MCM3AP: variants seen among roughly 807,000 people sequenced by gnomAD.
The protein encoded by MCM3AP is minichromosome maintenance complex component 3 associated protein, also known as germinal-center associated nuclear protein.
MCM3AP carries 126 observed loss-of-function variants against 184.1 expected under a neutral mutation model. The observed-to-expected ratio is 0.68, with a 90% CI of 0.59 to 0.79. MCM3AP has a LOEUF of 0.79. MCM3AP is among the 30% of genes least tolerant of loss of function. MCM3AP has a pLI of 0.00. For missense variants in MCM3AP, 2,496 were observed against 2,479.2 expected (o/e 1.01, Z -0.14); for synonymous variants, 1,002 against 979.3 (o/e 1.02, Z -0.43).
In MCM3AP at chr21:46,256,778, C is replaced by G; in HGVS notation, c.3932+11G>C. ...GGAGCCCTGACGAGGCAGGCGACAGCTGATGCTGACCTGGTGCAGGAGATG... is the reference window on the plus strand; with the variant it reads ...GGAGCCCTGACGAGGCAGGCGACAGGTGATGCTGACCTGGTGCAGGAGATG... On this transcript the variant is annotated intron_variant, in intron 17 of 27. Coordinates refer to ENST00000291688, the MANE Select transcript of MCM3AP (RefSeq NM_003906.5). 1 of 1,545,650 alleles carries G rather than the reference C, an allele frequency of 6.5e-7. No homozygotes were observed. The highest frequency in any genetic ancestry group is 2.4e-5 in the East Asian group (1 of 40,922).
chr21:46,245,783 G>A (rs1408031734), intron 22 of MCM3AP, among the ~76,000 whole-genome samples: 1 of 152,008 alleles, frequency 6.6e-6, no homozygotes, highest in East Asian at 1.9e-4. Context: ...CAGGTGCGAG[G>A]AGCCACCACG....
At chr21:46,263,052 A>G (rs1052694623) in intron 13 of MCM3AP, among the ~76,000 whole-genome samples, 2 of 143,942 alleles carry the variant, frequency 1.4e-5, no homozygotes, top group African/African-American at 2.6e-5. Flanking sequence ...CAACAAGGCC[A>G]GGTGCGGTGG....
At chr21:46,264,526 G>A (rs1159836785) in intron 12 of MCM3AP, among the ~76,000 whole-genome samples, 1 of 152,168 alleles carries the variant, frequency 6.6e-6, no homozygotes, top group Non-Finnish European at 1.5e-5. Context: ...AGATGGGCTG[G>A]TGCCCAGTGC....
intron 4 of MCM3AP, among the ~76,000 whole-genome samples, chr21:46,279,609 T>C (rs752068364): frequency 2.0e-5 from 3 of 152,138 alleles, no homozygotes; most frequent in Non-Finnish European, 4.4e-5. Flanking sequence ...TGTGATGAGA[T>C]TCTCCCATAG....
At chr21:46,241,058 A>G (rs746174283) in intron 25 of MCM3AP, 41 bp from the exon 26 acceptor site, 8 of 1,388,948 alleles carry the variant, frequency 5.8e-6, no homozygotes, top group African/African-American at 1.4e-5. Flanking sequence ...TCAAGAGAAA[A>G]TATTTCTACA....
chr21:46,256,907 C>T lies in MCM3AP; in HGVS notation c.3814G>A (p.Val1272Met), dbSNP rs779248881. The T allele has an allele frequency of 2.0e-4, 321 of 1,609,786 alleles. No homozygotes were observed. Among genetic ancestry groups the T allele is most frequent in the Non-Finnish European group, 1.5e-4 (176 of 1,178,350 alleles). The change falls in exon 17 of 28, where the codon GTG (valine) becomes ATG (methionine). Residue 1272 changes from valine (V) to methionine (M), a missense_variant. This residue lies in a region of MCM3AP where 1,323 missense variants were observed against 1,273.4 expected (regional missense o/e 1.04). Coordinates refer to ENST00000291688, the MANE Select transcript of MCM3AP (RefSeq NM_003906.5). ...AFPAAPCCVD[V>M]SDRLRALAPS... ...GCCAGCGCCCTCAGCCGGTCGCTCA[C>T]GTCCACGCAGCAGGGCGCAGCAGGG...
At chr21:46,250,104 G>A (rs988458390) in intron 20 of MCM3AP, 23 of 152,234 alleles carry the variant, frequency 1.5e-4, no homozygotes, top group African/African-American at 5.6e-4. Context: ...CGGCCCCCCA[G>A]TAAAATTAAA....
chr21:46,237,759 G>A lies in MCM3AP; in HGVS notation c.5634-780C>T, dbSNP rs2080570799. On this transcript the variant is annotated intron_variant, in intron 26 of 27. Transcript: ENST00000291688. Reference sequence around the variant, plus strand: ...ATGACATCAACTGAGAAGCAGAAATGTACTTATTAAAAATTTAACAACTTC... The same window carrying A: ...ATGACATCAACTGAGAAGCAGAAATATACTTATTAAAAATTTAACAACTTC... 1.7e-5 allele frequency among the ~76,000 whole-genome samples: 2 copies of A among 114,920 alleles called. 1 individual carries two copies. The highest frequency in any genetic ancestry group is 3.6e-5 in the Non-Finnish European group (2 of 55,196). The allele number at this position is 114,920 out of a possible 152,430, so 75.4% of individuals were successfully genotyped here.
Position 46,270,544 on chromosome 21 carries a change from G to A in MCM3AP, c.2485C>T (p.Pro829Ser). The change falls in exon 9 of 28, where the codon CCT becomes TCT. Residue 829 changes from proline (P) to serine (S), a missense_variant. This residue lies in a region of MCM3AP where 138 missense variants were observed against 191.9 expected (regional missense o/e 0.72). Coordinates refer to ENST00000291688, the MANE Select transcript of MCM3AP (RefSeq NM_003906.5). ...DILREVQQFH[P>S]AVRNSSEVKF... ...ACCTCAGATGAGTTTCTAACAGCAG[G>A]ATGGAACTGTTGTACTTCTCTGTTA... The A allele has an allele frequency of 1.2e-6, 2 of 1,611,564 alleles. No individual in the cohort carries two copies. Among genetic ancestry groups the A allele is most frequent in the Non-Finnish European group, 1.7e-6 (2 of 1,178,986 alleles).
intron 15 of MCM3AP, 47 bp from the exon 16 acceptor site, chr21:46,259,138 C>G: frequency 6.4e-7 from 1 of 1,567,784 alleles, no homozygotes; most frequent in Non-Finnish European, 8.6e-7. Flanking sequence ...TTGGGGCCCA[C>G]AGACACTGAG....
At chr21:46,273,890 C>G (rs1001393349) in intron 6 of MCM3AP, among the ~76,000 whole-genome samples, 3 of 152,160 alleles carry the variant, frequency 2.0e-5, no homozygotes, top group Admixed American at 2.0e-4. Context: ...AGGGAAGGGC[C>G]TCAAGCACTT....
intron 25 of MCM3AP, chr21:46,241,719 A>C (rs1287058072): frequency 6.6e-6 from 1 of 152,354 alleles, no homozygotes; most frequent in Non-Finnish European, 1.5e-5. Flanking sequence ...ACCAGTACTG[A>C]CATCTTCACA....
intron 11 of MCM3AP, 114 bp downstream of exon 11, chr21:46,265,811 G>C (rs754143619): frequency 3.4e-5 from 45 of 1,325,202 alleles, no homozygotes; most frequent in Admixed American, 7.0e-5. Context: ...CAAGACAGGT[G>C]CTCAGGCTCC....
Position 46,244,801 on chromosome 21 carries a change from A to C in MCM3AP, c.5038+6T>G. 1 of 1,605,700 alleles carries C rather than the reference A, an allele frequency of 6.2e-7. No individual in the cohort carries two copies. Among genetic ancestry groups the C allele is most frequent in the Non-Finnish European group, 8.5e-7 (1 of 1,175,250 alleles). On this transcript the variant is annotated splice_donor_region_variant and intron_variant, in intron 23 of 27. Transcript: ENST00000291688. ...CCCACCAGACCTCCCCAGGTCAAGCACGTACCCCCCAGGGGTGGAAGGTCC... is the reference window on the plus strand; with the variant it reads ...CCCACCAGACCTCCCCAGGTCAAGCCCGTACCCCCCAGGGGTGGAAGGTCC...
intron 19 of MCM3AP, chr21:46,253,869 T>C (rs1382884834): frequency 6.1e-6 from 1 of 163,148 alleles, no homozygotes; most frequent in African/African-American, 2.4e-5. Flanking sequence ...ACCTCCCCCT[T>C]GCTGTTCTCA....
At chr21:46,254,617 G>A in intron 18 of MCM3AP, 91 bp from the exon 19 acceptor site, 2 of 1,530,052 alleles carry the variant, frequency 1.3e-6, no homozygotes, top group Non-Finnish European at 1.8e-6. Context: ...GGGCAGGTTG[G>A]AGGAAAATCA....
chr21:46,265,847 C>G (rs534242747), intron 11 of MCM3AP, 78 bp downstream of exon 11: 1 of 1,483,340 alleles, frequency 6.7e-7, no homozygotes, highest in East Asian at 2.3e-5. Context: ...CGAGAAAATG[C>G]AGATGCCCAG....
chr21:46,266,861 G>C lies in MCM3AP; in HGVS notation c.2789+121C>G, dbSNP rs893181098. The C allele has an allele frequency of 1.5e-5, 16 of 1,074,006 alleles. No homozygotes were observed. In the African/African-American group the frequency reaches 2.4e-4, roughly 16 times the overall value. The allele number at this position is 1,074,006 out of a possible 1,614,324, so 66.5% of individuals were successfully genotyped here. ...CATTCTGAGTCTCGTGTGTTCACCT[G>C]CATGGCAGAGGGAATGCACCTTCTT... On this transcript the variant is annotated intron_variant, in intron 10 of 27. Transcript: ENST00000291688.
intron 26 of MCM3AP, among the ~76,000 whole-genome samples, chr21:46,239,444 G>A (rs1392383594): frequency 6.6e-6 from 1 of 152,230 alleles, no homozygotes; most frequent in Non-Finnish European, 1.5e-5. Flanking sequence ...TTTCAATAGA[G>A]CCAATAGGAT....
Sources: allele counts gnomAD v4.1 joint callset (sites outside exome capture counted in the v4.1 genomes callset), GRCh38; gene constraint gnomAD v4.1.1; regional missense constraint gnomAD v4.1.1; transcripts MANE v1.5; gene names NCBI Gene and HGNC (gene_info 2026-07-23, HGNC 2026-07-21).